The following CYP3A7 variants were observed in gnomAD, a reference collection of about 807,000 sequenced individuals.
The protein encoded by CYP3A7 is cytochrome P450 3A7.
In CYP3A7, 45 loss-of-function variants were observed where a neutral mutation model predicts 55.2. The ratio of observed to expected loss-of-function variants is 0.82; its 90% confidence interval spans 0.64 to 1.05. CYP3A7 has a LOEUF of 1.05. Ranked by LOEUF, CYP3A7 falls within the 50% of genes least tolerant of loss-of-function variation. CYP3A7 has a pLI of 0.00. For missense variants in CYP3A7, 548 were observed against 605.3 expected (o/e 0.91, Z 0.99); for synonymous variants, 180 against 207.4 (o/e 0.87, Z 1.13).
At chr7:99,731,549 A>G (rs1358410574) in intron 1 of CYP3A7, among the ~76,000 whole-genome samples, 80 of 151,960 alleles carry the variant, frequency 5.3e-4, no homozygotes, top group Admixed American at 6.6e-5. Flanking sequence ...AAGAGTGACA[A>G]TTTTTCTTTT....
intron 11 of CYP3A7, among the ~76,000 whole-genome samples, chr7:99,708,717 T>C (rs1212461175): frequency 6.6e-6 from 1 of 152,168 alleles, no homozygotes; most frequent in Non-Finnish European, 1.5e-5. Flanking sequence ...GGAAAAAATA[T>C]TCATTTGTGG....
intron 4 of CYP3A7, 130 bp from the exon 5 acceptor site, chr7:99,717,769 A>AT: frequency 1.7e-6 from 2 of 1,180,184 alleles, no homozygotes; most frequent in Non-Finnish European, 2.4e-6. Flanking sequence ...GACAGGCCCT[A>AT]TGACAGATGC....
intron 6 of CYP3A7, 93 bp downstream of exon 6, chr7:99,717,084 T>C (rs1486418529): frequency 6.5e-7 from 1 of 1,549,286 alleles, no homozygotes; most frequent in Non-Finnish European, 8.9e-7. Context: ...GTCTGGTCAC[T>C]GGAATAACCC....
At chr7:99,724,155 C>T (rs1228140702) in intron 2 of CYP3A7, among the ~76,000 whole-genome samples, 2 of 152,164 alleles carry the variant, frequency 1.3e-5, no homozygotes, top group Non-Finnish European at 2.9e-5. Flanking sequence ...CTATGGGCAA[C>T]CTTCCAGCCT....
chr7:99,712,168 A>G lies in CYP3A7; in HGVS notation c.866-1276T>C, dbSNP rs543633014. On this transcript the variant is annotated intron_variant, in intron 9 of 12. Coordinates refer to ENST00000336374, the MANE Select transcript of CYP3A7 (RefSeq NM_000765.5). ...TGGATTAGGACATTTAGAGACCGGG[A>G]ACACAGAAATAAATATAGTGCCTGT... Among the ~76,000 whole-genome samples the G allele has an allele frequency of 3.9e-5, 6 of 152,274 alleles. No individual in the cohort carries two copies. The South Asian group carries it at 1.2e-3, about 32-fold the overall frequency.
Position 99,705,506 on chromosome 7 carries a change from T to G in CYP3A7, c.1506A>C (p.Gly502=), listed in dbSNP as rs1285028937. ...KAESRDETVS[G]A ...CCAGAAGTCCTTAGGGAAATCAGGCTCCACTTACGGTCTCATCCCTTGACT... is the reference window on the plus strand; with the variant it reads ...CCAGAAGTCCTTAGGGAAATCAGGCGCCACTTACGGTCTCATCCCTTGACT... The change falls in exon 13 of 13, where the codon GGA becomes GGC. Residue 502 remains glycine, a synonymous_variant. Coordinates refer to ENST00000336374, the MANE Select transcript of CYP3A7 (RefSeq NM_000765.5). 1 of 1,613,404 alleles carries G rather than the reference T, an allele frequency of 6.2e-7. No homozygotes were observed. Among genetic ancestry groups the G allele is most frequent in the Non-Finnish European group, 8.5e-7 (1 of 1,179,592 alleles).
intron 5 of CYP3A7, 35 bp downstream of exon 5, chr7:99,717,491 T>C (rs756385503): frequency 1.2e-6 from 2 of 1,611,818 alleles, no homozygotes; most frequent in Admixed American, 1.7e-5. Flanking sequence ...ATTCATTCTT[T>C]AAGTTTCTAA....
intron 1 of CYP3A7, among the ~76,000 whole-genome samples, chr7:99,732,887 T>A (rs1215990752): frequency 1.3e-5 from 2 of 152,160 alleles, no homozygotes; most frequent in African/African-American, 4.8e-5. Flanking sequence ...TAAGTAACCA[T>A]AAAATGTTCC....
At chr7:99,708,908 T>A in intron 11 of CYP3A7, 127 bp downstream of exon 11, 1 of 1,139,534 alleles carries the variant, frequency 8.8e-7, no homozygotes, top group Non-Finnish European at 1.3e-6. Context: ...TTTCATGATT[T>A]GAAAAAACCT....
chr7:99,734,496 A>C (rs1289629029), intron 1 of CYP3A7, among the ~76,000 whole-genome samples: 4 of 152,238 alleles, frequency 2.6e-5, no homozygotes, highest in Non-Finnish European at 5.9e-5. Context: ...TTTCCACTAA[A>C]GATGAATGGG....
chr7:99,706,316 T>C (rs1394020904), intron 12 of CYP3A7, among the ~76,000 whole-genome samples: 1 of 152,176 alleles, frequency 6.6e-6, no homozygotes, highest in Non-Finnish European at 1.5e-5. Context: ...AAGTGCCAGC[T>C]TGGGACTTCC....
Position 99,709,201 on chromosome 7 carries a change from T to C in CYP3A7, c.1087A>G (p.Thr363Ala). Residue 363 changes from threonine (T) to alanine (A), a missense_variant, in exon 11 of 13, where the codon ACA (threonine) becomes GCA (alanine). Transcript: ENST00000336374. ...ATAGCAACTGGGAATAATCTGAGTGTTTCATTCACCACCATGTCAAGATAC... is the reference window on the plus strand; with the variant it reads ...ATAGCAACTGGGAATAATCTGAGTGCTTCATTCACCACCATGTCAAGATAC... Reference protein sequence around the residue: ...LEYLDMVVNETLRLFPVAMRL... With the variant: ...LEYLDMVVNEALRLFPVAMRL... The C allele has an allele frequency of 6.2e-7, 1 of 1,613,986 alleles. No homozygotes were observed. The highest frequency in any genetic ancestry group is 8.5e-7 in the Non-Finnish European group (1 of 1,179,938).
At chr7:99,712,137 C>T (rs906220646) in intron 9 of CYP3A7, among the ~76,000 whole-genome samples, 16 of 152,218 alleles carry the variant, frequency 1.1e-4, no homozygotes, top group Admixed American at 3.3e-4. Context: ...TCTGTTTGAT[C>T]AGGACTGGAT....
chr7:99,718,390 A>T (rs1338476406), intron 4 of CYP3A7, among the ~76,000 whole-genome samples: 1 of 152,200 alleles, frequency 6.6e-6, no homozygotes, highest in Non-Finnish European at 1.5e-5. Flanking sequence ...GAAAGAGATA[A>T]TTATTTTTGC....
intron 4 of CYP3A7, among the ~76,000 whole-genome samples, chr7:99,719,301 A>G (rs1814091054): frequency 6.6e-6 from 1 of 152,194 alleles, no homozygotes; most frequent in Admixed American, 6.5e-5. Flanking sequence ...ATGGAGGAAT[A>G]AACACAGTGA....
chr7:99,719,630 TA>T (rs747208930), intron 4 of CYP3A7, among the ~76,000 whole-genome samples: 2 of 151,850 alleles, frequency 1.3e-5, no homozygotes, highest in Admixed American at 6.6e-5. Context: ...CTCCTCAAAA[TA>T]AAAAAAGTTT....
chr7:99,711,191 C>T (rs1481220111), intron 9 of CYP3A7, among the ~76,000 whole-genome samples: 1 of 152,200 alleles, frequency 6.6e-6, no homozygotes, highest in Non-Finnish European at 1.5e-5. Flanking sequence ...TTCTGCATAA[C>T]ATACTCAGTG....
chr7:99,707,672 A>C, intron 12 of CYP3A7, 140 bp downstream of exon 12: 2 of 1,399,682 alleles, frequency 1.4e-6, no homozygotes, highest in East Asian at 5.0e-5. Context: ...CTTAAAGATC[A>C]TAGATGGGTC....
At chr7:99,707,784 AC>A in intron 12 of CYP3A7, 27 bp downstream of exon 12, 1 of 1,612,990 alleles carries the variant, frequency 6.2e-7, no homozygotes, top group South Asian at 1.1e-5. Context: ...TGTTAATAAA[AC>A]ATTATTAATG....
Sources: gnomAD v4.1 joint callset for allele counts (sites outside exome capture counted in the v4.1 genomes callset) on GRCh38, gnomAD v4.1.1 for gene constraint, MANE v1.5 for transcripts, NCBI Gene and HGNC (gene_info 2026-07-23, HGNC 2026-07-21) for gene names.